TTN: variants seen among roughly 807,000 people sequenced by gnomAD.
The protein encoded by TTN is titin, also known as connectin.
A neutral mutation model predicts 3,223.0 loss-of-function variants in TTN; 1,525 were observed. That is an observed-to-expected ratio of 0.47 (90% CI 0.45 to 0.49). The LOEUF (loss-of-function observed/expected upper bound fraction) is 0.49. Among genes scored for constraint, TTN ranks in the 20% least tolerant of loss-of-function variants. The pLI is 0.00. For synonymous variants in TTN, 14,094 were observed against 15,161.0 expected (o/e 0.93, Z 5.17); for missense variants, 40,786 against 43,424.0 (o/e 0.94, Z 5.40).
At chr2:178,703,762 C>A (rs959751570) in intron 106 of TTN, among the ~76,000 whole-genome samples, 1 of 152,160 alleles carries the variant, frequency 6.6e-6, no homozygotes, top group African/African-American at 2.4e-5. Flanking sequence ...GAAAGTCAGA[C>A]TAAGTCCTAT....
Position 178,713,365 on chromosome 2 carries a change from G to A in TTN, c.26769C>T (p.Thr8923=), listed in dbSNP as rs373578441. 9 of 1,518,646 alleles carry A rather than the reference G, an allele frequency of 5.9e-6. No individual in the cohort carries two copies. The highest frequency in any genetic ancestry group is 4.1e-5 in the Admixed American group (2 of 48,412). The allele number at this position is 1,518,646 out of a possible 1,614,324, so 94.1% of individuals were successfully genotyped here. The change falls in exon 93 of 363, where the codon ACC becomes ACT. Residue 8923 remains threonine, a synonymous_variant. Coordinates refer to ENST00000589042, the MANE Select transcript of TTN (RefSeq NM_001267550.2). ...ATTTTCTTGTGAATGAAGGAGGAAC[G>A]GTTCGGTCTGAATGATACAAAACAA... ...CTASLQVSDR[T]VPPSFTRKLK...
rs2303832 is a variant in TTN, at chr2:178,607,565, T to A, written c.53123A>T (p.Lys17708Ile). Residue 17708 changes from lysine to isoleucine, a missense_variant, in exon 277 of 363, where the codon AAA (lysine) becomes ATA (isoleucine). Transcript: ENST00000589042. ...GRPVPTKVWT[K>I]EEGELDKDRV... ...GTCTTTATCCAGCTCCCCTTCTTCT[T>A]TGGTCCATACTTTTGTAGGTACAGG... 0.024 allele frequency: 37,999 copies of A among 1,613,156 alleles called. 634 individuals are homozygous for A. The highest frequency in any genetic ancestry group is 0.092 in the East Asian group (4,135 of 44,788).
rs377439315 is a variant in TTN, at chr2:178,527,027, A to G, written c.107961T>C (p.His35987=). ...ACAGGCCCTCTTAAATGGATCGAATATGTATATTCACAGTGGCAGAGTCAG... is the reference window on the plus strand; with the variant it reads ...ACAGGCCCTCTTAAATGGATCGAATGTGTATATTCACAGTGGCAGAGTCAG... ...FGSDSATVNI[H]IRSI is the part of the protein sequence containing the mutation. The change falls in exon 363 of 363, where the codon CAT becomes CAC. Residue 35987 remains histidine, a synonymous_variant. Coordinates refer to ENST00000589042, the MANE Select transcript of TTN (RefSeq NM_001267550.2). 1.2e-3 allele frequency: 1,975 copies of G among 1,613,024 alleles called. 3 individuals are homozygous for G. Among genetic ancestry groups the G allele is most frequent in the Non-Finnish European group, 1.6e-3 (1,834 of 1,179,272 alleles).
intron 100 of TTN, 86 bp from the exon 101 acceptor site, chr2:178,707,040 T>G: frequency 8.2e-7 from 1 of 1,222,048 alleles, no homozygotes; most frequent in Non-Finnish European, 1.1e-6. Flanking sequence ...CCTTAGGAGG[T>G]TGGCAGTTTG....
chr2:178,677,509 G>T lies in TTN; in HGVS notation c.34291+112C>A, dbSNP rs1397264918. The T allele has an allele frequency of 4.4e-6, 5 of 1,131,354 alleles. No individual in the cohort carries two copies. The Admixed American group carries it at 8.9e-5, about 20-fold the overall frequency. The allele number at this position is 1,131,354 out of a possible 1,614,324, so 70.1% of individuals were successfully genotyped here. ...TGGAATGTTTTCTAAGATTTAGGTG[G>T]TCAATCACAGAGGGTAAAGGATTAT... On this transcript the variant is annotated intron_variant, in intron 146 of 362. Coordinates refer to ENST00000589042, the MANE Select transcript of TTN (RefSeq NM_001267550.2).
rs2154140110 is a variant in TTN at position 178,539,689 on chromosome 2, C to T, written c.98376G>A (p.Val32792=). Residue 32792 remains valine, a synonymous_variant, in exon 352 of 363, where the codon GTG becomes GTA. Transcript: ENST00000589042. ...GKKAVYIKVR[V]IGSPNSPEGP... ...CTTCTGGACTGTTGGGACTTCCTAT[C>T]ACCCTGACCTTGATGTAGACAGCCT... 1 of 1,613,718 alleles carries T rather than the reference C, an allele frequency of 6.2e-7. No individual in the cohort carries two copies. The highest frequency in any genetic ancestry group is 1.3e-5 in the African/African-American group (1 of 75,006).
In TTN at chr2:178,652,546, A is replaced by C; in HGVS notation, c.39044-5T>G. 6.2e-7 allele frequency: 1 copy of C among 1,613,184 alleles called. No individual in the cohort carries two copies. Among genetic ancestry groups the C allele is most frequent in the Non-Finnish European group, 8.5e-7 (1 of 1,179,550 alleles). ...CTTCTTTCGGAGCCTCTGGCACTTA[A>C]AAGATATTAGTGAAATTACATTTAG... On this transcript the variant is annotated splice_region_variant and splice_polypyrimidine_tract_variant and intron_variant, in intron 201 of 362. Transcript: ENST00000589042.
In TTN at chr2:178,546,442, C is replaced by T. The variant is rs576480657; in HGVS notation, c.94889G>A (p.Gly31630Asp). 6.2e-7 allele frequency: 1 copy of T among 1,613,706 alleles called. No homozygotes were observed. The highest frequency in any genetic ancestry group is 1.3e-5 in the African/African-American group (1 of 75,016). The change falls in exon 342 of 363, where the codon GGT becomes GAT. Residue 31630 changes from glycine to aspartate, a missense_variant. Transcript: ENST00000589042. ...LHGDLVTIRA[G>D]SDLVLDAAVG... ...TGCAGCATCCAGAACAAGATCAGAA[C>T]CTGCTCTGATGGTAACCAGATCACC...
At chr2:178,579,469 A>T (rs1297946359) in intron 319 of TTN, 76 bp from the exon 320 acceptor site, 6 of 1,568,872 alleles carry the variant, frequency 3.8e-6, no homozygotes, top group Non-Finnish European at 5.1e-6. Flanking sequence ...TCTAGCTTTT[A>T]ACGGATTTTT....
rs1413591624 is a variant in TTN, at chr2:178,576,718, C to T, written c.69526G>A (p.Val23176Ile). 3 of 1,613,434 alleles carry T rather than the reference C, an allele frequency of 1.9e-6. No individual in the cohort carries two copies. Among genetic ancestry groups the T allele is most frequent in the East Asian group, 2.2e-5 (1 of 44,820 alleles). ...AGGCTTTTCTTTTCTCTCCTTTCTA[C>T]ATGATATCCTGTAATTTCGCTGCCA... ...DGGSEITGYH[V>I]ERREKKSLRW... Residue 23176 changes from valine to isoleucine, a missense_variant, in exon 325 of 363, where the codon GTA (valine) becomes ATA (isoleucine). Val to Ile is a conservative substitution (Grantham distance 29). Coordinates refer to ENST00000589042, the MANE Select transcript of TTN (RefSeq NM_001267550.2). The surrounding 1 kb of genome is among the most constrained non-coding windows in gnomAD (Gnocchi z 4.3).
rs747118425 is a variant in TTN at position 178,714,051 on chromosome 2, C to T, written c.26607G>A (p.Glu8869=). Reference sequence around the variant, plus strand: ...TTTTGTATTTGTTGTCACTTGTTAGCTCTTTTCCATCCTTAAACCACTTAG... The same window carrying T: ...TTTTGTATTTGTTGTCACTTGTTAGTTCTTTTCCATCCTTAAACCACTTAG... ...LSTKWFKDGK[E]LTSDNKYKIS... Residue 8869 remains glutamate (E), a synonymous_variant, in exon 92 of 363, where the codon GAG becomes GAA. Transcript: ENST00000589042. The T allele has an allele frequency of 6.2e-7, 1 of 1,613,562 alleles. No individual in the cohort carries two copies. The highest frequency in any genetic ancestry group is 1.1e-5 in the South Asian group (1 of 91,056).
Position 178,563,331 on chromosome 2 carries a change from G to A in TTN, c.82801C>T (p.Pro27601Ser). The A allele has an allele frequency of 6.2e-7, 1 of 1,613,574 alleles. No individual in the cohort carries two copies. Among genetic ancestry groups the A allele is most frequent in the Non-Finnish European group, 8.5e-7 (1 of 1,179,708 alleles). ...ACCTCTACAACATAGCCTTTAACAG[G>A]TGCGCCACCATCATAAATTGGCTTA... is the stretch of plus-strand genomic sequence containing the variant. ...WSKPIYDGGAPVKGYVVEVKE... is the reference protein window; with the variant it reads ...WSKPIYDGGASVKGYVVEVKE... Residue 27601 changes from proline (P) to serine (S), a missense_variant, in exon 326 of 363, where the codon CCT (proline) becomes TCT (serine). By Grantham distance (74) the Pro-to-Ser change is moderately conservative. Coordinates refer to ENST00000589042, the MANE Select transcript of TTN (RefSeq NM_001267550.2). This position sits in a 1 kb window ranked among gnomAD's most constrained non-coding sequence, Gnocchi z 4.5.
At chr2:178,748,846 A>G in intron 47 of TTN, 1 of 1,612,238 alleles carries the variant, frequency 6.2e-7, no homozygotes, top group Non-Finnish European at 8.5e-7. Context: ...CAGTATTTGG[A>G]GACATTTTCT....
intron 350 of TTN, 168 bp downstream of exon 350, chr2:178,541,114 C>G: frequency 1.6e-6 from 1 of 613,216 alleles, no homozygotes; most frequent in Non-Finnish European, 2.5e-6. Context: ...TACAAACGGA[C>G]ACAAGGGAAC....
intron 330 of TTN, 158 bp from the exon 331 acceptor site, chr2:178,555,310 A>G (rs1206770908): frequency 1.2e-5 from 8 of 695,532 alleles, no homozygotes; most frequent in Non-Finnish European, 1.8e-5. Context: ...TTAAAAATTT[A>G]TAGGCCACTC....
chr2:178,746,058 T>C (rs745615354), intron 47 of TTN: 19 of 1,613,384 alleles, frequency 1.2e-5, no homozygotes, highest in Admixed American at 3.3e-5. Flanking sequence ...TATGTTGCAC[T>C]ATCAGAAAGA....
At chr2:178,727,547 C>T (rs773568610) in intron 68 of TTN, 38 bp downstream of exon 68, 21 of 1,528,132 alleles carry the variant, frequency 1.4e-5, no homozygotes, top group African/African-American at 2.8e-5. Context: ...ACCAAAGACA[C>T]AGTCAGACAG....
intron 3 of TTN, 127 bp downstream of exon 3, chr2:178,802,011 C>T (rs745875799): frequency 8.6e-7 from 1 of 1,163,626 alleles, no homozygotes; most frequent in Non-Finnish European, 1.3e-6. Context: ...ATTCAGCCTC[C>T]AGTAGACCCT....
Position 178,578,678 on chromosome 2 carries a change from A to G in TTN, c.68262T>C (p.Asp22754=), listed in dbSNP as rs2047008596. The change falls in exon 321 of 363, where the codon GAT becomes GAC. Residue 22754 remains aspartate, a synonymous_variant. Transcript: ENST00000589042. ...TTAGAGATACTGAATCGTGTCTGACATCCACAATATTGGGAGGTGGGGGAG... is the reference window on the plus strand; with the variant it reads ...TTAGAGATACTGAATCGTGTCTGACGTCCACAATATTGGGAGGTGGGGGAG... ...PDAPPPPNIV[D]VRHDSVSLTW... is the part of the protein sequence containing the mutation. 1.2e-6 allele frequency: 2 copies of G among 1,611,904 alleles called. No individual in the cohort carries two copies. The highest frequency in any genetic ancestry group is 2.7e-5 in the African/African-American group (2 of 74,944).
Sources: allele counts gnomAD v4.1 joint callset (sites outside exome capture counted in the v4.1 genomes callset), GRCh38; gene constraint gnomAD v4.1.1; non-coding constraint Gnocchi (gnomAD v3.1); transcripts MANE v1.5; gene names NCBI Gene and HGNC (gene_info 2026-07-23, HGNC 2026-07-21).